Variants in GCH1 observed in about 807,000 individuals in gnomAD.
GCH1 encodes the protein GTP cyclohydrolase 1.
In GCH1, 5 loss-of-function variants were observed where a neutral mutation model predicts 25.9. The ratio of observed to expected loss-of-function variants is 0.19; its 90% CI spans 0.10 to 0.41. The LOEUF (loss-of-function observed/expected upper bound fraction) is 0.41. GCH1 is among the 10% of genes least tolerant of loss of function. The pLI is 1.00. For missense variants in GCH1, 261 were observed against 336.5 expected, an observed-to-expected ratio of 0.78 and a Z score of 1.75; for synonymous variants, 159 against 129.6, an observed-to-expected ratio of 1.23 and a Z score of -1.54.
intron 2 of GCH1, among the ~76,000 whole-genome samples, chr14:54,862,377 C>CTTTTTTT (rs1491222719): frequency 1.7e-5 from 2 of 115,816 alleles, no homozygotes; most frequent in Non-Finnish European, 1.7e-5. Flanking sequence ...TGAAGCACTA[C>CTTTTTTT]TCTTTTTTTT....
chr14:54,856,598 G>T (rs755448488), intron 3 of GCH1, among the ~76,000 whole-genome samples: 1 of 152,002 alleles, frequency 6.6e-6, no homozygotes, highest in East Asian at 1.9e-4. Flanking sequence ...GATTACAGGC[G>T]CATGCTACCA....
intron 1 of GCH1, among the ~76,000 whole-genome samples, chr14:54,870,876 G>A (rs962416647): frequency 6.6e-6 from 1 of 152,206 alleles, no homozygotes; most frequent in African/African-American, 2.4e-5. Flanking sequence ...GGAGCCCACC[G>A]CAGCTCAAGG....
At chr14:54,893,979 G>C (rs889937943) in intron 1 of GCH1, among the ~76,000 whole-genome samples, 6 of 152,162 alleles carry the variant, frequency 3.9e-5, no homozygotes, top group African/African-American at 9.7e-5. Flanking sequence ...GTTCCATGAA[G>C]GCAGGAACTA....
At position 54,862,823 on chromosome 14, in the gene GCH1, T is replaced by G. The variant is rs567316972; in HGVS notation, c.453+2504A>C. Among the ~76,000 whole-genome samples, 5 of 152,094 alleles carry G rather than the reference T, an allele frequency of 3.3e-5. No individual in the cohort carries two copies. The East Asian group carries it at 9.7e-4, about 29-fold the overall frequency. The stretch of plus-strand genomic sequence containing the variant: ...GAAACTTTAGATCTAATCTAGTTTA[T>G]AGGAAATCCAGAGGCTGAAGGAAAC... On this transcript the variant is annotated intron_variant, in intron 2 of 5. Coordinates refer to ENST00000491895, the MANE Select transcript of GCH1 (RefSeq NM_000161.3).
intron 1 of GCH1, among the ~76,000 whole-genome samples, chr14:54,873,591 C>A (rs2040113365): frequency 6.6e-6 from 1 of 152,018 alleles, no homozygotes; most frequent in Non-Finnish European, 1.5e-5. Flanking sequence ...AATTGATAGA[C>A]CGCTAGCAAG....
intron 1 of GCH1, among the ~76,000 whole-genome samples, chr14:54,900,888 C>CACA (rs557528772): frequency 7.3e-6 from 1 of 136,394 alleles, no homozygotes; most frequent in African/African-American, 2.7e-5. Context: ...CACACACACA[C>CACA]AAATTTAAAG....
chr14:54,870,563 G>A (rs899734054), intron 1 of GCH1, among the ~76,000 whole-genome samples: 12 of 152,176 alleles, frequency 7.9e-5, no homozygotes, highest in Non-Finnish European at 1.0e-4. Context: ...CACCTCACCC[G>A]GGAAGCACAA....
intron 1 of GCH1, among the ~76,000 whole-genome samples, chr14:54,866,427 C>G (rs2039990537): frequency 6.6e-6 from 1 of 151,876 alleles, no homozygotes; most frequent in Non-Finnish European, 1.5e-5. Flanking sequence ...CAAAGAAATA[C>G]AGTAGGATTT....
chr14:54,877,553 G>C (rs2040180451), intron 1 of GCH1, among the ~76,000 whole-genome samples: 1 of 151,934 alleles, frequency 6.6e-6, no homozygotes, highest in Admixed American at 6.6e-5. Flanking sequence ...GAATGCAGCG[G>C]CACAATCTCA....
chr14:54,885,322 G>T, intron 1 of GCH1: 1 of 236,754 alleles, frequency 4.2e-6, no homozygotes. Context: ...CCTCTTTTCA[G>T]TGAACCAGTC....
chr14:54,879,590 G>C (rs917321651), intron 1 of GCH1, among the ~76,000 whole-genome samples: 4 of 152,094 alleles, frequency 2.6e-5, no homozygotes, highest in Admixed American at 1.3e-4. Context: ...ATCCTTGAAA[G>C]GATATTCAGT....
In GCH1 at chr14:54,843,207, CTAGT is replaced by C; in HGVS notation, c.*806_*809del. 6.9e-7 allele frequency: 1 copy of C among 1,440,496 alleles called. No homozygotes were observed. The highest frequency in any genetic ancestry group is 9.1e-7 in the Non-Finnish European group (1 of 1,102,074). 89.2% of individuals were successfully genotyped at this position (1,440,496 alleles called of 1,614,324 possible). A position where few individuals can be genotyped will look rare whatever the true frequency, so the allele number is the denominator to read the frequency against. ...ACCTATAAAGTTAAAACTGAGCTGA[CTAGT>C]TATTTGCAGTGTGAGTACTAAGTCT... On this transcript the variant is annotated 3_prime_UTR_variant, in exon 6 of 6. Coordinates refer to ENST00000491895, the MANE Select transcript of GCH1 (RefSeq NM_000161.3).
chr14:54,889,607 T>C (rs1436122361), intron 1 of GCH1, among the ~76,000 whole-genome samples: 2 of 152,210 alleles, frequency 1.3e-5, no homozygotes, highest in Non-Finnish European at 2.9e-5. Flanking sequence ...CCTGGCTGCT[T>C]GTTCACAGAA....
intron 3 of GCH1, among the ~76,000 whole-genome samples, chr14:54,855,343 T>A (rs1365670999): frequency 7.9e-5 from 12 of 151,662 alleles, no homozygotes; most frequent in Non-Finnish European, 7.4e-5. Context: ...CCATCTCTAC[T>A]AAAAATACAA....
At chr14:54,878,801 T>C (rs2040200219) in intron 1 of GCH1, among the ~76,000 whole-genome samples, 1 of 152,216 alleles carries the variant, frequency 6.6e-6, no homozygotes, top group Non-Finnish European at 1.5e-5. Flanking sequence ...TCTCGTCCTG[T>C]CACCCAGGCT....
At chr14:54,881,963 C>T (rs565938304) in intron 1 of GCH1, among the ~76,000 whole-genome samples, 2 of 152,308 alleles carry the variant, frequency 1.3e-5, no homozygotes, top group Non-Finnish European at 2.9e-5. Context: ...ACAAACACTA[C>T]GTTTCTTGGT....
rs111428654 is a variant in GCH1, at chr14:54,896,844, G to A, written c.343+5477C>T. On this transcript the variant is annotated intron_variant, in intron 1 of 5. Coordinates refer to ENST00000491895, the MANE Select transcript of GCH1 (RefSeq NM_000161.3). The stretch of plus-strand genomic sequence containing the variant: ...CTGAGGCAGGAGAATGGTGTGAACC[G>A]GGAGACCGAGCTTGCAGTGAGCCCA... 4.4e-3 allele frequency among the ~76,000 whole-genome samples: 646 copies of A among 147,888 alleles called. 1 individual carries two copies. Among genetic ancestry groups the A allele is most frequent in the African/African-American group, 0.016 (604 of 38,486 alleles).
chr14:54,882,147 C>T (rs1166209442), intron 1 of GCH1, among the ~76,000 whole-genome samples: 2 of 152,172 alleles, frequency 1.3e-5, no homozygotes, highest in African/African-American at 2.4e-5. Context: ...TTAGGGGAAC[C>T]GCACGCACAG....
chr14:54,857,731 C>T (rs1240049045), intron 3 of GCH1, among the ~76,000 whole-genome samples: 1 of 152,160 alleles, frequency 6.6e-6, no homozygotes, highest in Non-Finnish European at 1.5e-5. Flanking sequence ...TGGTTTAATA[C>T]ATCATTAGTT....
Sources: gnomAD v4.1 joint callset for allele counts (sites outside exome capture counted in the v4.1 genomes callset) on GRCh38, gnomAD v4.1.1 for gene constraint, MANE v1.5 for transcripts, NCBI Gene and HGNC (gene_info 2026-07-23, HGNC 2026-07-21) for gene names.